FKBP1A: variants seen among roughly 807,000 people sequenced by gnomAD.
The protein encoded by FKBP1A is FKBP prolyl isomerase 1A.
A neutral mutation model predicts 14.2 loss-of-function variants in FKBP1A; 5 were observed. The ratio of observed to expected loss-of-function variants is 0.35; its 90% confidence interval spans 0.18 to 0.74. The LOEUF is 0.74. FKBP1A is among the 30% of genes least tolerant of loss of function. The pLI, the probability that FKBP1A is intolerant of heterozygous loss-of-function variation, is 0.56. For synonymous variants in FKBP1A, 42 were observed against 49.1 expected, an observed-to-expected ratio of 0.86 and a Z score of 0.60; for missense variants, 53 against 138.8, an observed-to-expected ratio of 0.38 and a Z score of 3.10.
At chr20:1,380,227 G>A (rs551761933) in intron 2 of FKBP1A, among the ~76,000 whole-genome samples, 4 of 152,086 alleles carry the variant, frequency 2.6e-5, no homozygotes, top group Non-Finnish European at 5.9e-5. Context: ...ATCCTTGGGA[G>A]TTTCCAGGGA....
At position 1,369,867 on chromosome 20, in the gene FKBP1A, A is replaced by G. The variant is rs2089438990; in HGVS notation, c.*242T>C. The G allele has an allele frequency of 5.9e-6, 4 of 673,466 alleles. No individual in the cohort carries two copies. Among genetic ancestry groups the G allele is most frequent in the Non-Finnish European group, 9.5e-6 (4 of 421,278 alleles). The allele number at this position is 673,466 out of a possible 1,614,324, so 41.7% of individuals were successfully genotyped here. A position where few individuals can be genotyped will look rare whatever the true frequency, so the allele number is the denominator to read the frequency against. On this transcript the variant is annotated 3_prime_UTR_variant, in exon 5 of 5. Coordinates refer to ENST00000400137, the MANE Select transcript of FKBP1A (RefSeq NM_000801.5). ...AAATGAAAACAAAATAAAATGAATA[A>G]CTTGAGGTTTATGGCATATAGTTTA... is the stretch of plus-strand genomic sequence containing the variant.
At chr20:1,391,427 C>T (rs1417737016) in intron 2 of FKBP1A, among the ~76,000 whole-genome samples, 1 of 152,184 alleles carries the variant, frequency 6.6e-6, no homozygotes, top group Non-Finnish European at 1.5e-5. Context: ...AAAGCACTTT[C>T]CAGCTTCCTT....
intron 2 of FKBP1A, chr20:1,391,741 AGAG>A (rs2089739577): frequency 5.6e-6 from 2 of 356,456 alleles, no homozygotes; most frequent in Middle Eastern, 6.4e-4. Context: ...AGGAGGAGGA[AGAG>A]GAGGAGAGGG....
At position 1,371,972 on chromosome 20, in the gene FKBP1A, T is replaced by C. The variant is rs1366509769; in HGVS notation, c.*36+104A>G. 4 of 1,480,228 alleles carry C rather than the reference T, an allele frequency of 2.7e-6. No individual in the cohort carries two copies. The African/African-American group carries it at 4.2e-5, about 16-fold the overall frequency. 91.7% of individuals were successfully genotyped at this position (1,480,228 alleles called of 1,614,324 possible). On this transcript the variant is annotated intron_variant, in intron 4 of 4. Transcript: ENST00000400137. ...TACAGAAAGAATGCAGGGGGAAAAA[T>C]AGCCTTGTGGTGTTTTTTGTTCTCT...
intron 2 of FKBP1A, among the ~76,000 whole-genome samples, chr20:1,388,733 G>A (rs2089696935): frequency 7.6e-6 from 1 of 132,214 alleles, no homozygotes; most frequent in Non-Finnish European, 1.6e-5. Flanking sequence ...ACAGTAGCCA[G>A]AAGGAGCGTG....
rs2089531669 is a variant in FKBP1A at position 1,375,697 on chromosome 20, T to C, written c.86-94A>G. 9 of 894,206 alleles carry C rather than the reference T, an allele frequency of 1.0e-5. No homozygotes were observed. In the South Asian group the frequency reaches 1.1e-4, roughly 11 times the overall value. The allele number at this position is 894,206 out of a possible 1,614,324, so 55.4% of individuals were successfully genotyped here. A position where few individuals can be genotyped will look rare whatever the true frequency, so the allele number is the denominator to read the frequency against. Reference sequence around the variant, plus strand: ...GAGCACTCATCAGAGATGCCAGTGCTGAAGAGTCTGGCAGGAACTGCAGTA... The same window carrying C: ...GAGCACTCATCAGAGATGCCAGTGCCGAAGAGTCTGGCAGGAACTGCAGTA... On this transcript the variant is annotated intron_variant, in intron 2 of 4. Transcript: ENST00000400137.
intron 2 of FKBP1A, among the ~76,000 whole-genome samples, chr20:1,392,578 T>G (rs2122717930): frequency 6.6e-6 from 1 of 152,210 alleles, no homozygotes; most frequent in East Asian, 1.9e-4. Context: ...GCATCTAAGG[T>G]GCAGAAATGC....
At chr20:1,380,871 A>C (rs1477490337) in intron 2 of FKBP1A, among the ~76,000 whole-genome samples, 1 of 152,214 alleles carries the variant, frequency 6.6e-6, no homozygotes, top group Non-Finnish European at 1.5e-5. Context: ...TGAAAACTAC[A>C]ATGTCTGAGA....
chr20:1,390,359 G>A lies in FKBP1A; in HGVS notation c.85+2475C>T, dbSNP rs1314785433. Among the ~76,000 whole-genome samples the A allele has an allele frequency of 2.1e-5, 3 of 144,896 alleles. No homozygotes were observed. The East Asian group carries it at 6.3e-4, about 30-fold the overall frequency. On this transcript the variant is annotated intron_variant, in intron 2 of 4. Coordinates refer to ENST00000400137, the MANE Select transcript of FKBP1A (RefSeq NM_000801.5). ...AGAAGCTGGCCATGGGGAGGGGGGA[G>A]GGGGGAGGGGGGACGGGGGAGCATG...
chr20:1,378,376 T>C (rs552988777), intron 2 of FKBP1A: 12 of 151,812 alleles, frequency 7.9e-5, no homozygotes, highest in African/African-American at 2.7e-4. Flanking sequence ...GAGTCAGGGG[T>C]AGAGGGAGGG....
At chr20:1,370,377 G>A in intron 4 of FKBP1A, 1 of 985,288 alleles carries the variant, frequency 1.0e-6, no homozygotes, top group Non-Finnish European at 1.2e-6. Flanking sequence ...ACTATCATTG[G>A]GTCTCAAACT....
intron 4 of FKBP1A, chr20:1,370,306 T>A: frequency 1.0e-6 from 1 of 985,434 alleles, no homozygotes; most frequent in Non-Finnish European, 1.2e-6. Flanking sequence ...TAAGGTTAAG[T>A]TTGCCTTGCT....
intron 2 of FKBP1A, among the ~76,000 whole-genome samples, chr20:1,375,823 G>C (rs1388575306): frequency 2.6e-5 from 4 of 151,984 alleles, no homozygotes; most frequent in Admixed American, 2.6e-4. Flanking sequence ...GCAATAACTC[G>C]ACTACAAAAG....
At chr20:1,381,708 T>C (rs924711760) in intron 2 of FKBP1A, among the ~76,000 whole-genome samples, 1 of 152,228 alleles carries the variant, frequency 6.6e-6, no homozygotes, top group African/African-American at 2.4e-5. Flanking sequence ...GGTAAATACA[T>C]GTTTCTATAT....
chr20:1,379,269 G>A lies in FKBP1A; in HGVS notation c.86-3666C>T, dbSNP rs1042624814. Among the ~76,000 whole-genome samples, 45 of 152,146 alleles carry A rather than the reference G, an allele frequency of 3.0e-4. 2 individuals carry two copies. Among genetic ancestry groups the A allele is most frequent in the Non-Finnish European group, 2.9e-5 (2 of 68,028 alleles). ...ACACTACATGCATCAATGTATCAAT[G>A]TTGCTTTGCCTGAGGTGAGATACTT... is the stretch of plus-strand genomic sequence containing the variant. On this transcript the variant is annotated intron_variant, in intron 2 of 4. Transcript: ENST00000400137. The surrounding 1 kb of genome is among the most constrained non-coding windows in gnomAD (Gnocchi z 4.3).
At chr20:1,370,817 C>T (rs974618981) in intron 4 of FKBP1A, 8 of 985,194 alleles carry the variant, frequency 8.1e-6, no homozygotes, top group Non-Finnish European at 9.6e-6. Context: ...CAGTTATGTT[C>T]AAAAAATGAC....
rs750616325 is a variant in FKBP1A at position 1,386,358 on chromosome 20, G to A, written c.85+6476C>T. On this transcript the variant is annotated intron_variant, in intron 2 of 4. Transcript: ENST00000400137. This position sits in a 1 kb window ranked among gnomAD's most constrained non-coding sequence, Gnocchi z 4.7. Reference sequence around the variant, plus strand: ...CTCCTTATATATTCACTGAGTGACCGAGGGAATGCCAGGTCCTAACTGGCC... The same window carrying A: ...CTCCTTATATATTCACTGAGTGACCAAGGGAATGCCAGGTCCTAACTGGCC... Among the ~76,000 whole-genome samples, 2 of 152,204 alleles carry A rather than the reference G, an allele frequency of 1.3e-5. No homozygotes were observed. The highest frequency in any genetic ancestry group is 2.4e-5 in the African/African-American group (1 of 41,448).
At position 1,375,484 on chromosome 20, in the gene FKBP1A, A is replaced by C. The variant is rs1600327751; in HGVS notation, c.198+7T>G. ...GAAAGCAAAACAAAACAAATGAGAG[A>C]GCATACCTGGGCAACCCCTTCTTCC... On this transcript the variant is annotated splice_region_variant and intron_variant, in intron 3 of 4. Transcript: ENST00000400137. 3.1e-6 allele frequency: 5 copies of C among 1,595,006 alleles called. No individual in the cohort carries two copies. In the East Asian group the frequency reaches 6.7e-5, roughly 21 times the overall value.
rs1175405810 is a variant in FKBP1A at position 1,393,002 on chromosome 20, G to A, written c.-4C>T. On this transcript the variant is annotated 5_prime_UTR_variant, in exon 1 of 5. Coordinates refer to ENST00000400137, the MANE Select transcript of FKBP1A (RefSeq NM_000801.5). ...TGGTTTCCACCTGCACTCCCATGGC[G>A]GCGGCGGACGCTGAGCGGGCGGGCG... 1 of 1,469,080 alleles carries A rather than the reference G, an allele frequency of 6.8e-7. No homozygotes were observed. Among genetic ancestry groups the A allele is most frequent in the South Asian group, 1.3e-5 (1 of 74,684 alleles). The allele number at this position is 1,469,080 out of a possible 1,614,324, so 91.0% of individuals were successfully genotyped here.
Sources: gnomAD v4.1 joint callset for allele counts (sites outside exome capture counted in the v4.1 genomes callset) on GRCh38, gnomAD v4.1.1 for gene constraint, Gnocchi (gnomAD v3.1) non-coding constraint, MANE v1.5 for transcripts, NCBI Gene and HGNC (gene_info 2026-07-23, HGNC 2026-07-21) for gene names.